The following HELZ variants were observed in gnomAD, a reference collection of about 807,000 sequenced individuals.
HELZ encodes ATP-dependent RNA helicase with zinc finger domain.
In HELZ, 23 loss-of-function variants were observed where a neutral mutation model predicts 218.2. The ratio of observed to expected loss-of-function variants is 0.11; its 90% CI spans 0.08 to 0.15. The LOEUF is 0.15. Ranked by LOEUF, HELZ falls within the 10% of genes least tolerant of loss-of-function variation. The probability of loss-of-function intolerance (pLI) is 1.00; values close to 1 mark genes in which losing one functional copy is unlikely to be tolerated. For synonymous variants in HELZ, 814 were observed against 829.4 expected, an observed-to-expected ratio of 0.98 and a Z score of 0.32; for missense variants, 1,813 against 2,353.7, an observed-to-expected ratio of 0.77 and a Z score of 4.75.
Position 67,238,624 on chromosome 17 carries a change from G to A in HELZ, c.-19+809C>T, listed in dbSNP as rs563580753. Among the ~76,000 whole-genome samples, 16 of 152,216 alleles carry A rather than the reference G, an allele frequency of 1.1e-4. No individual in the cohort carries two copies. The South Asian group carries it at 3.1e-3, about 30-fold the overall frequency. On this transcript the variant is annotated intron_variant, in intron 3 of 32. Coordinates refer to ENST00000358691, the MANE Select transcript of HELZ (RefSeq NM_014877.4). Reference sequence around the variant, plus strand: ...TTGAACCCAGGAGGCGGAGGTTGCAGTGAGCCGAGATCGTGCCATTCATTG... The same window carrying A: ...TTGAACCCAGGAGGCGGAGGTTGCAATGAGCCGAGATCGTGCCATTCATTG...
intron 21 of HELZ, among the ~76,000 whole-genome samples, chr17:67,138,466 C>T (rs556312375): frequency 6.6e-6 from 1 of 152,264 alleles, no homozygotes; most frequent in South Asian, 2.1e-4. Flanking sequence ...GTTCTCACAG[C>T]CCCAGTAATT....
At chr17:67,102,091 G>C (rs2036947800) in intron 31 of HELZ, among the ~76,000 whole-genome samples, 1 of 152,180 alleles carries the variant, frequency 6.6e-6, no homozygotes. Context: ...CGTTTGAGGT[G>C]GGGAAGGAAA....
intron 32 of HELZ, among the ~76,000 whole-genome samples, chr17:67,085,900 G>C (rs945149887): frequency 6.6e-6 from 1 of 152,146 alleles, no homozygotes; most frequent in African/African-American, 2.4e-5. Context: ...CATCATACAA[G>C]TTTAGAGTGT....
intron 5 of HELZ, among the ~76,000 whole-genome samples, chr17:67,204,761 T>C (rs1430381588): frequency 6.6e-6 from 1 of 152,140 alleles, no homozygotes; most frequent in Non-Finnish European, 1.5e-5. Flanking sequence ...AGATCACTCA[T>C]CTATTCAACA....
chr17:67,163,566 T>A (rs79339340), intron 15 of HELZ, among the ~76,000 whole-genome samples: 1 of 135,558 alleles, frequency 7.4e-6, no homozygotes, highest in African/African-American at 3.6e-5. Context: ...GCTCGGCTAA[T>A]TTTTTTTTTG....
rs185583846 is a variant in HELZ at position 67,090,125 on chromosome 17, T to C, written c.5242-3044A>G. Among the ~76,000 whole-genome samples, 4 of 152,302 alleles carry C rather than the reference T, an allele frequency of 2.6e-5. No individual in the cohort carries two copies. The East Asian group carries it at 7.7e-4, about 29-fold the overall frequency. On this transcript the variant is annotated intron_variant, in intron 31 of 32. Coordinates refer to ENST00000358691, the MANE Select transcript of HELZ (RefSeq NM_014877.4). ...CAAGAGTTTCATCCTGAGTGGACCA[T>C]GCATTTTGTCAAATGCATGTGGTTT... is the stretch of plus-strand genomic sequence containing the variant.
chr17:67,190,337 G>A lies in HELZ; in HGVS notation c.576C>T (p.Ile192=). The A allele has an allele frequency of 6.2e-7, 1 of 1,612,744 alleles. No homozygotes were observed. The highest frequency in any genetic ancestry group is 8.5e-7 in the Non-Finnish European group (1 of 1,178,780). ...AAGTACACTGGGCACCATACCTACAGATTCCTTGTTCTAAAAATCTAAGTA... is the reference window on the plus strand; with the variant it reads ...AAGTACACTGGGCACCATACCTACAAATTCCTTGTTCTAAAAATCTAAGTA... ...TLCKRFLEQG[I]CRYGAQCTSA... Residue 192 remains isoleucine (I), a synonymous_variant, in exon 10 of 33, where the codon ATC becomes ATT. Transcript: ENST00000358691.
chr17:67,120,485 A>G lies in HELZ; in HGVS notation c.3758T>C (p.Leu1253Pro). The change falls in exon 27 of 33, where the codon CTT (leucine) becomes CCT (proline). Residue 1253 changes from leucine to proline, a missense_variant. Transcript: ENST00000358691. ...HGRGSPIPYG[L>P]GHHPPVTIGQ... ...TATGGTGACAGGTGGGTGATGTCCA[A>G]GGCCATAAGGAATAGGAGATCCTCG... is the stretch of plus-strand genomic sequence containing the variant. 1 of 1,614,040 alleles carries G rather than the reference A, an allele frequency of 6.2e-7. No individual in the cohort carries two copies. Among genetic ancestry groups the G allele is most frequent in the Non-Finnish European group, 8.5e-7 (1 of 1,179,996 alleles).
chr17:67,118,692 C>CAAAAAA lies in HELZ; in HGVS notation c.3838+1707_3838+1712dup, dbSNP rs142101119. ...ACAGCAAGACTCTGTCTTTAAAAGG[C>CAAAAAA]AAAAAAAAAAAAAAAAAAAAAAAGG... On this transcript the variant is annotated intron_variant, in intron 27 of 32. Coordinates refer to ENST00000358691, the MANE Select transcript of HELZ (RefSeq NM_014877.4). Among the ~76,000 whole-genome samples, 46 of 44,918 alleles carry CAAAAAA rather than the reference C, an allele frequency of 1.0e-3. 1 individual carries two copies. The highest frequency in any genetic ancestry group is 2.3e-3 in the East Asian group (3 of 1,312). 29.5% of individuals were successfully genotyped at this position (44,918 alleles called of 152,430 possible).
intron 31 of HELZ, among the ~76,000 whole-genome samples, chr17:67,105,236 T>C (rs1189060464): frequency 1.3e-5 from 2 of 152,208 alleles, no homozygotes; most frequent in Non-Finnish European, 2.9e-5. Context: ...GGAATCCTCA[T>C]ACATAGCTGT....
At chr17:67,211,393 T>C (rs1438224647) in intron 5 of HELZ, among the ~76,000 whole-genome samples, 3 of 152,190 alleles carry the variant, frequency 2.0e-5, no homozygotes, top group Admixed American at 6.5e-5. Context: ...TAGAGAGGCA[T>C]ACTGAAGTAT....
rs192508914 is a variant in HELZ at position 67,145,763 on chromosome 17, C to T, written c.2749G>A (p.Ala917Thr). 2 of 1,609,828 alleles carry T rather than the reference C, an allele frequency of 1.2e-6. No homozygotes were observed. Among genetic ancestry groups the T allele is most frequent in the African/African-American group, 2.7e-5 (2 of 74,912 alleles). Reference protein sequence around the residue: ...GEDVQEKNSTAFYNNAEVFEV... With the variant: ...GEDVQEKNSTTFYNNAEVFEV... ...GGTACCTCTGCATTATTATAAAAAG[C>T]TGTGCTATTTTTTTCTTGTACATCT... Residue 917 changes from alanine (A) to threonine (T), a missense_variant, in exon 21 of 33, where the codon GCT becomes ACT. Coordinates refer to ENST00000358691, the MANE Select transcript of HELZ (RefSeq NM_014877.4).
At position 67,189,624 on chromosome 17, in the gene HELZ, AT is replaced by A; in HGVS notation, c.828del (p.Lys276AsnfsTer21). On this transcript the variant is annotated frameshift_variant, in exon 11 of 33. Transcript: ENST00000358691. LOFTEE classifies it high-confidence loss of function. ...AGAGCAAAGGTCCATGTCTGGTGGG[AT>A]TTTTTGGTGCTGACAGTAACTGACA... is the stretch of plus-strand genomic sequence containing the variant. ...PDLSVTVSTK[K>X]SHQTWTFALT... 1 of 1,613,530 alleles carries A rather than the reference AT, an allele frequency of 6.2e-7. No homozygotes were observed. The highest frequency in any genetic ancestry group is 8.5e-7 in the Non-Finnish European group (1 of 1,179,502).
rs575284202 is a variant in HELZ, at chr17:67,104,948, G to A, written c.5241+2221C>T. On this transcript the variant is annotated intron_variant, in intron 31 of 32. Coordinates refer to ENST00000358691, the MANE Select transcript of HELZ (RefSeq NM_014877.4). ...AGCCTGGCCAATATCGTGAAACCCC[G>A]TCTCTACTAAAAATACAACAACAAC... Among the ~76,000 whole-genome samples the A allele has an allele frequency of 9.8e-4, 149 of 152,130 alleles. 1 individual carries two copies. Among genetic ancestry groups the A allele is most frequent in the Middle Eastern group, 3.4e-3 (1 of 294 alleles).
intron 25 of HELZ, among the ~76,000 whole-genome samples, chr17:67,123,739 C>G (rs2037692119): frequency 6.6e-6 from 1 of 151,826 alleles, no homozygotes; most frequent in Non-Finnish European, 1.5e-5. Flanking sequence ...AAAATTGCCC[C>G]TTTTCAGAAA....
At position 67,074,020 on chromosome 17, in the gene HELZ, G is replaced by A. The variant is rs997368523; in HGVS notation, c.*4232C>T. Reference sequence around the variant, plus strand: ...TACGTGATATTTTGAACAAGAAATCGTAGATAGAACATTACCTATTCTTTC... The same window carrying A: ...TACGTGATATTTTGAACAAGAAATCATAGATAGAACATTACCTATTCTTTC... On this transcript the variant is annotated 3_prime_UTR_variant, in exon 33 of 33. Transcript: ENST00000358691. 1.3e-5 allele frequency: 2 copies of A among 152,134 alleles called. No individual in the cohort carries two copies. The highest frequency in any genetic ancestry group is 2.9e-5 in the Non-Finnish European group (2 of 68,002). The allele number at this position is 152,134 out of a possible 1,614,324, so 9.4% of individuals were successfully genotyped here.
At chr17:67,216,544 T>C (rs2040605555) in intron 4 of HELZ, among the ~76,000 whole-genome samples, 1 of 152,140 alleles carries the variant, frequency 6.6e-6, no homozygotes, top group African/African-American at 2.4e-5. Flanking sequence ...TCTTTTTCCT[T>C]TTCCTTTCTC....
intron 13 of HELZ, among the ~76,000 whole-genome samples, chr17:67,171,765 C>T (rs752742920): frequency 2.3e-4 from 35 of 152,126 alleles, no homozygotes; most frequent in Admixed American, 1.7e-3. Flanking sequence ...CTCCCCAAAA[C>T]TCTATGCTCT....
intron 12 of HELZ, among the ~76,000 whole-genome samples, chr17:67,182,704 G>A (rs2039647420): frequency 6.6e-6 from 1 of 152,102 alleles, no homozygotes. Flanking sequence ...GTCTTTTGAA[G>A]GGGTTCCGCT....
Sources: allele counts gnomAD v4.1 joint callset (sites outside exome capture counted in the v4.1 genomes callset), GRCh38; gene constraint gnomAD v4.1.1; transcripts MANE v1.5; gene names NCBI Gene and HGNC (gene_info 2026-07-23, HGNC 2026-07-21).